The following PTPRS variants were observed in gnomAD, a reference collection of about 807,000 sequenced individuals.
PTPRS encodes receptor-type tyrosine-protein phosphatase S.
Under a neutral mutation model 215.3 loss-of-function variants are expected in PTPRS, and 63 were observed. The ratio of observed to expected loss-of-function variants is 0.29; its 90% CI spans 0.24 to 0.36. PTPRS has a LOEUF of 0.36. PTPRS is among the 10% of genes least tolerant of loss of function. The pLI is 1.00. For missense variants in PTPRS, 2,258 were observed against 2,825.8 expected (o/e 0.80, Z 4.56); for synonymous variants, 1,404 against 1,191.4 (o/e 1.18, Z -3.68).
In PTPRS at chr19:5,258,249, T is replaced by C. The variant is rs2146258266; in HGVS notation, c.596-122A>G. ...GTGCTGGCTGGGCCAGAGAGGCAGA[T>C]AAGAGGTGAGAAAACCTGGAAGCCC... On this transcript the variant is annotated intron_variant, in intron 7 of 37. Coordinates refer to ENST00000262963, the MANE Select transcript of PTPRS (RefSeq NM_002850.4). 4 of 795,264 alleles carry C rather than the reference T, an allele frequency of 5.0e-6. No individual in the cohort carries two copies. In the East Asian group the frequency reaches 1.0e-4, roughly 21 times the overall value. 49.3% of individuals were successfully genotyped at this position (795,264 alleles called of 1,614,324 possible). A position where few individuals can be genotyped will look rare whatever the true frequency, so the allele number is the denominator to read the frequency against.
At chr19:5,240,523 C>G (rs2043942676) in intron 11 of PTPRS, among the ~76,000 whole-genome samples, 191 bp from the exon 12 acceptor site, 1 of 152,164 alleles carries the variant, frequency 6.6e-6, no homozygotes, top group Non-Finnish European at 1.5e-5. Context: ...TCTCTTCTTC[C>G]AAAGGAAAAG....
intron 11 of PTPRS, among the ~76,000 whole-genome samples, chr19:5,241,847 A>G (rs1200636555): frequency 6.6e-6 from 1 of 151,640 alleles, no homozygotes; most frequent in African/African-American, 2.4e-5. Context: ...GTTTTCTTTT[A>G]TTTTTGAGAC....
At chr19:5,243,810 A>G in intron 11 of PTPRS, 91 bp downstream of exon 11, 1 of 1,163,376 alleles carries the variant, frequency 8.6e-7, no homozygotes, top group Non-Finnish European at 1.2e-6. Context: ...CACCGTGCAT[A>G]ACCCACAAAC....
rs780872751 is a variant in PTPRS at position 5,286,020 on chromosome 19, ACCCCTGCACATCCCGTG to A, written c.91+13_91+29del. The A allele has an allele frequency of 2.5e-5, 40 of 1,591,932 alleles. No homozygotes were observed. In the East Asian group the frequency reaches 8.6e-4, roughly 34 times the overall value. On this transcript the variant is annotated intron_variant, in intron 2 of 37. Coordinates refer to ENST00000262963, the MANE Select transcript of PTPRS (RefSeq NM_002850.4). ...TGCACACAGGTAAACAAACACGCAG[ACCCCTGCACATCCCGTG>A]CCGGCTTCTTACCTTCTGCTGCACA...
rs1246891588 is a variant in PTPRS, at chr19:5,229,601, C to T, written c.2239G>A (p.Gly747Ser). 27 of 1,423,524 alleles carry T rather than the reference C, an allele frequency of 1.9e-5. No individual in the cohort carries two copies. The highest frequency in any genetic ancestry group is 4.5e-5 in the African/African-American group (3 of 67,004). 88.2% of individuals were successfully genotyped at this position (1,423,524 alleles called of 1,614,324 possible). The change falls in exon 15 of 38, where the codon GGC becomes AGC. Residue 747 changes from glycine (G) to serine (S), a missense_variant. Gly to Ser is a moderately conservative substitution (Grantham distance 56). Coordinates refer to ENST00000262963, the MANE Select transcript of PTPRS (RefSeq NM_002850.4). ...IRVLWRSPAP[G>S]RQHGQIRGYQ... ...CCGCGGATCTGGCCGTGCTGCCGGC[C>T]GGGCGCGGGCGAGCGCCACAGCACG...
chr19:5,310,918 CTT>C (rs989028148), intron 1 of PTPRS, among the ~76,000 whole-genome samples: 1 of 152,016 alleles, frequency 6.6e-6, no homozygotes, highest in Non-Finnish European at 1.5e-5. Context: ...CCAAGTCTCA[CTT>C]TGTCTCCAGA....
In PTPRS at chr19:5,279,531, G is replaced by A. The variant is rs10424981; in HGVS notation, c.92-5187C>T. On this transcript the variant is annotated intron_variant, in intron 2 of 37. Transcript: ENST00000262963. ...GAACCACAGGCGCTTGCTACCACAT[G>A]CGGCTAATTTTTAATCTTTTGCAGA... 3.4e-3 allele frequency among the ~76,000 whole-genome samples: 510 copies of A among 151,718 alleles called. 6 individuals are homozygous for A. The highest frequency in any genetic ancestry group is 0.012 in the African/African-American group (490 of 41,348).
intron 1 of PTPRS, among the ~76,000 whole-genome samples, chr19:5,328,015 T>C (rs1450416109): frequency 6.6e-6 from 1 of 152,216 alleles, no homozygotes; most frequent in Non-Finnish European, 1.5e-5. Flanking sequence ...CAGACTGTTT[T>C]AGAGTTCCCT....
rs1335194062 is a variant in PTPRS at position 5,293,619 on chromosome 19, C to T, written c.-94-7385G>A. ...GGATGCCGGACAGGGCGGCGGAGGG[C>T]TCCCCAAACACACCCAACTACAGGA... On this transcript the variant is annotated intron_variant, in intron 1 of 37. Coordinates refer to ENST00000262963, the MANE Select transcript of PTPRS (RefSeq NM_002850.4). This position sits in a 1 kb window ranked among gnomAD's most constrained non-coding sequence, Gnocchi z 8.4. Among the ~76,000 whole-genome samples the T allele has an allele frequency of 2.6e-5, 4 of 152,114 alleles. No individual in the cohort carries two copies. The highest frequency in any genetic ancestry group is 2.6e-4 in the Admixed American group (4 of 15,288).
At chr19:5,298,226 T>C (rs889580580) in intron 1 of PTPRS, among the ~76,000 whole-genome samples, 1 of 152,192 alleles carries the variant, frequency 6.6e-6, no homozygotes. Flanking sequence ...TCCCATTATG[T>C]CCCTTATAAA....
In PTPRS at chr19:5,206,800, C is replaced by T. The variant is rs200187372; in HGVS notation, c.5821G>A (p.Gly1941Arg). ...TAGGTTGCATAGTGGTCAAAGCTTC[C>T]GAGGTACTCCAGTGCCGCCTGGTAA... Reference protein sequence around the residue: ...FCYQAALEYLGSFDHYAT With the variant: ...FCYQAALEYLRSFDHYAT The change falls in exon 38 of 38, where the codon GGA (glycine) becomes AGA (arginine). Residue 1941 changes from glycine to arginine, a missense_variant. Physicochemically the swap from Gly to Arg is moderately radical, Grantham distance 125. Around this residue, in one of 6 missense-constraint regions of PTPRS, gnomAD observed 89 missense variants for 104.0 expected, o/e 0.86. Coordinates refer to ENST00000262963, the MANE Select transcript of PTPRS (RefSeq NM_002850.4). 4.3e-6 allele frequency: 7 copies of T among 1,614,106 alleles called. No individual in the cohort carries two copies. Among genetic ancestry groups the T allele is most frequent in the East Asian group, 2.2e-5 (1 of 44,882 alleles).
intron 15 of PTPRS, 30 bp downstream of exon 15, chr19:5,229,456 GCCCGT>G: frequency 7.2e-7 from 1 of 1,383,818 alleles, no homozygotes; most frequent in Non-Finnish European, 9.3e-7. Context: ...CCCGCCCGGA[GCCCGT>G]CCCCGGCCCC....
chr19:5,298,225 G>A (rs1194858406), intron 1 of PTPRS, among the ~76,000 whole-genome samples: 1 of 152,168 alleles, frequency 6.6e-6, no homozygotes, highest in Non-Finnish European at 1.5e-5. Context: ...ATCCCATTAT[G>A]TCCCTTATAA....
Position 5,262,039 on chromosome 19 carries a change from G to A in PTPRS, c.577+925C>T, listed in dbSNP as rs577029359. On this transcript the variant is annotated intron_variant, in intron 6 of 37. Coordinates refer to ENST00000262963, the MANE Select transcript of PTPRS (RefSeq NM_002850.4). Reference sequence around the variant, plus strand: ...TGTAATCCTAGCACTTTGGGAAGCCGAGGCAGGTGGATCACCTGAGGTCAG... The same window carrying A: ...TGTAATCCTAGCACTTTGGGAAGCCAAGGCAGGTGGATCACCTGAGGTCAG... Among the ~76,000 whole-genome samples the A allele has an allele frequency of 2.1e-3, 315 of 152,286 alleles. 1 individual carries two copies. Among genetic ancestry groups the A allele is most frequent in the African/African-American group, 7.2e-3 (300 of 41,556 alleles).
chr19:5,305,939 CAA>C (rs35165317), intron 1 of PTPRS, among the ~76,000 whole-genome samples: 17 of 22,640 alleles, frequency 7.5e-4, no homozygotes, highest in East Asian at 2.6e-3. Flanking sequence ...GACTCCGTCT[CAA>C]AAAAAAAAAA....
rs1175059175 is a variant in PTPRS, at chr19:5,229,538, C to T, written c.2302G>A (p.Ala768Thr). 3 of 1,464,654 alleles carry T rather than the reference C, an allele frequency of 2.0e-6. No homozygotes were observed. Among genetic ancestry groups the T allele is most frequent in the Middle Eastern group, 2.3e-4 (1 of 4,354 alleles). The allele number at this position is 1,464,654 out of a possible 1,614,324, so 90.7% of individuals were successfully genotyped here. The stretch of plus-strand genomic sequence containing the variant: ...TCCTTGATGCGCGGCGGCCCGCGGG[C>T]CTCGGCGCCCTCCATGCGCACGTAG... Reference protein sequence around the residue: ...VHYVRMEGAEARGPPRIKDVM... With the variant: ...VHYVRMEGAETRGPPRIKDVM... The change falls in exon 15 of 38, where the codon GCC (alanine) becomes ACC (threonine). Residue 768 changes from alanine (A) to threonine (T), a missense_variant. Physicochemically the swap from Ala to Thr is moderately conservative, Grantham distance 58. Transcript: ENST00000262963.
chr19:5,328,394 A>G (rs1203409173), intron 1 of PTPRS, among the ~76,000 whole-genome samples: 1 of 151,560 alleles, frequency 6.6e-6, no homozygotes, highest in Non-Finnish European at 1.5e-5. Context: ...ACAGGCGTGC[A>G]CCACCACAGC....
intron 1 of PTPRS, among the ~76,000 whole-genome samples, chr19:5,311,108 G>A (rs2049687504): frequency 6.6e-6 from 1 of 152,056 alleles, no homozygotes; most frequent in African/African-American, 2.4e-5. Context: ...TCGATCTCCT[G>A]ACCTCGTGAT....
intron 12 of PTPRS, 38 bp from the exon 13 acceptor site, chr19:5,239,101 G>GA (rs1568450893): frequency 8.0e-7 from 1 of 1,244,374 alleles, no homozygotes; most frequent in Admixed American, 2.2e-5. Context: ...AGGGATGGGG[G>GA]AGAGAGAGAG....
Sources: allele counts gnomAD v4.1 joint callset (sites outside exome capture counted in the v4.1 genomes callset), GRCh38; gene constraint gnomAD v4.1.1; regional missense constraint gnomAD v4.1.1; non-coding constraint Gnocchi (gnomAD v3.1); transcripts MANE v1.5; gene names NCBI Gene and HGNC (gene_info 2026-07-23, HGNC 2026-07-21).